The following SYNJ1 variants were observed in gnomAD, a reference collection of about 807,000 sequenced individuals.
SYNJ1 encodes the protein polyphosphatidylinositol phosphatase SYNJ1.
SYNJ1 carries 78 observed loss-of-function variants against 168.2 expected under a neutral mutation model. That is an observed-to-expected ratio of 0.46 (90% CI 0.39 to 0.56). The LOEUF is 0.56. Among genes scored for constraint, SYNJ1 ranks in the 20% least tolerant of loss-of-function variants. The pLI is 0.00. For missense variants in SYNJ1, 1,303 were observed against 1,597.6 expected (o/e 0.82, Z 3.14); for synonymous variants, 539 against 548.6 (o/e 0.98, Z 0.24).
chr21:32,692,600 C>A (rs538578767), intron 6 of SYNJ1, among the ~76,000 whole-genome samples: 1 of 152,050 alleles, frequency 6.6e-6, no homozygotes, highest in East Asian at 1.9e-4. Flanking sequence ...TAATTTTCCA[C>A]CTATCACCAC....
chr21:32,657,774 G>A lies in SYNJ1; in HGVS notation c.2403C>T (p.Thr801=), dbSNP rs755696516. The A allele has an allele frequency of 2.6e-5, 42 of 1,613,966 alleles. No individual in the cohort carries two copies. Among genetic ancestry groups the A allele is most frequent in the Non-Finnish European group, 3.0e-5 (35 of 1,180,000 alleles). Residue 801 remains threonine, a synonymous_variant, in exon 19 of 33, where the codon ACC becomes ACT. Coordinates refer to ENST00000674351, the MANE Select transcript of SYNJ1 (RefSeq NM_203446.3). ...DDYDTSEKCR[T]PAWTDRVLWR... ...AAAGGACACGGTCTGTCCAGGCAGG[G>A]GTGCGGCACTTTTCACTGGTGTCAT...
chr21:32,636,716 A>G (rs1162507735), intron 31 of SYNJ1, among the ~76,000 whole-genome samples: 1 of 152,058 alleles, frequency 6.6e-6, no homozygotes, highest in Non-Finnish European at 1.5e-5. Flanking sequence ...GGCCCCCAGC[A>G]TTGGGCATTC....
intron 4 of SYNJ1, among the ~76,000 whole-genome samples, chr21:32,696,689 A>T (rs1026335740): frequency 2.6e-5 from 4 of 152,128 alleles, no homozygotes; most frequent in African/African-American, 9.7e-5. Flanking sequence ...AAGATGTAAT[A>T]GCATTATCTT....
At chr21:32,633,134 G>A (rs1235622497) in intron 32 of SYNJ1, among the ~76,000 whole-genome samples, 1 of 152,154 alleles carries the variant, frequency 6.6e-6, no homozygotes, top group Non-Finnish European at 1.5e-5. Flanking sequence ...TGCAACCATT[G>A]CTTAAAACCA....
At chr21:32,725,944 A>C (rs2043432000) in intron 2 of SYNJ1, among the ~76,000 whole-genome samples, 1 of 152,146 alleles carries the variant, frequency 6.6e-6, no homozygotes. Flanking sequence ...AGACTCAATC[A>C]ATCCGCCCAC....
intron 32 of SYNJ1, among the ~76,000 whole-genome samples, chr21:32,632,675 C>G (rs944284412): frequency 2.0e-5 from 3 of 152,164 alleles, no homozygotes; most frequent in African/African-American, 7.2e-5. Flanking sequence ...CGTGAGCCAC[C>G]ATGCCCGGCA....
chr21:32,685,777 A>T lies in SYNJ1; in HGVS notation c.1089T>A (p.Phe363Leu). 6.2e-7 allele frequency: 1 copy of T among 1,608,456 alleles called. No individual in the cohort carries two copies. The highest frequency in any genetic ancestry group is 8.5e-7 in the Non-Finnish European group (1 of 1,178,180). ...PQVQKFLDYG[F>L]FYFNGSEVQR... ...GAACTTCACTTCCATTGAAATAAAA[A>T]AATCCATAATCTAGAAACTTCTGGA... The change falls in exon 9 of 33, where the codon TTT (phenylalanine) becomes TTA (leucine). Residue 363 changes from phenylalanine to leucine, a missense_variant. By Grantham distance (22) the Phe-to-Leu change is conservative (BLOSUM62 0). This residue lies in a region of SYNJ1 where 920 missense variants were observed against 1,208.8 expected (regional missense o/e 0.76). Coordinates refer to ENST00000674351, the MANE Select transcript of SYNJ1 (RefSeq NM_203446.3).
intron 2 of SYNJ1, among the ~76,000 whole-genome samples, chr21:32,705,744 G>C (rs1173249907): frequency 6.6e-6 from 1 of 152,064 alleles, no homozygotes; most frequent in Non-Finnish European, 1.5e-5. Flanking sequence ...CCAGCACTTC[G>C]GGAAGCTGAT....
chr21:32,700,981 G>C (rs867241031), intron 3 of SYNJ1, among the ~76,000 whole-genome samples: 1 of 152,262 alleles, frequency 6.6e-6, no homozygotes, highest in East Asian at 1.9e-4. Context: ...ATTGAGCAAT[G>C]GTATACTGTG....
chr21:32,646,576 C>G lies in SYNJ1; in HGVS notation c.3064G>C (p.Val1022Leu). The G allele has an allele frequency of 6.2e-7, 1 of 1,614,188 alleles. No individual in the cohort carries two copies. Among genetic ancestry groups the G allele is most frequent in the Non-Finnish European group, 8.5e-7 (1 of 1,180,022 alleles). The change falls in exon 24 of 33, where the codon GTG becomes CTG. Residue 1022 changes from valine to leucine, a missense_variant. By Grantham distance (32) the Val-to-Leu change is conservative. Transcript: ENST00000674351. ...AGATGCTGAGGAAGAAGTTCCTCCA[C>G]TTCAGCACTATAGTCATCAACATCA... ...EGDVDDYSAEVEELLPQHLQP... is the reference protein window; with the variant it reads ...EGDVDDYSAELEELLPQHLQP...
chr21:32,670,348 A>G lies in SYNJ1; in HGVS notation c.1751T>C (p.Ile584Thr), dbSNP rs1209915908. ...FQDKRSKPTD[I>T]FAIGFEEMVE... ...CATTTCTTCAAAACCAATTGCAAAT[A>G]TATCAGTTGGCTTACTTCTTTTATC... Residue 584 changes from isoleucine to threonine, a missense_variant, in exon 15 of 33, where the codon ATA (isoleucine) becomes ACA (threonine). Physicochemically the swap from Ile to Thr is moderately conservative, Grantham distance 89. Transcript: ENST00000674351. The G allele has an allele frequency of 1.2e-6, 2 of 1,613,328 alleles. No individual in the cohort carries two copies. Among genetic ancestry groups the G allele is most frequent in the Non-Finnish European group, 8.5e-7 (1 of 1,179,758 alleles).
chr21:32,680,158 T>C (rs2146035854), intron 11 of SYNJ1, among the ~76,000 whole-genome samples: 1 of 152,244 alleles, frequency 6.6e-6, no homozygotes, highest in East Asian at 1.9e-4. Context: ...AAGAAGTAAA[T>C]ATTTGTAAAA....
chr21:32,638,823 T>G, intron 31 of SYNJ1, 85 bp downstream of exon 31: 6 of 1,304,320 alleles, frequency 4.6e-6, no homozygotes, highest in East Asian at 2.3e-5. Context: ...TTACTTCTTA[T>G]AACAGGCAAT....
At chr21:32,679,993 T>C (rs1162953270) in intron 11 of SYNJ1, among the ~76,000 whole-genome samples, 1 of 152,048 alleles carries the variant, frequency 6.6e-6, no homozygotes, top group Non-Finnish European at 1.5e-5. Context: ...TCTGTACATA[T>C]ATTGTAGTCA....
chr21:32,672,474 G>C (rs898397825), intron 14 of SYNJ1, among the ~76,000 whole-genome samples: 1 of 151,674 alleles, frequency 6.6e-6, no homozygotes, highest in Non-Finnish European at 1.5e-5. Flanking sequence ...CGAGTAGCTG[G>C]GATTACAGGC....
chr21:32,690,727 G>C (rs368832913), intron 6 of SYNJ1, among the ~76,000 whole-genome samples: 1 of 152,066 alleles, frequency 6.6e-6, no homozygotes, highest in Non-Finnish European at 1.5e-5. Flanking sequence ...GTTTGAGACC[G>C]GCCTGACCAA....
At chr21:32,667,051 A>G (rs1314970469) in intron 15 of SYNJ1, among the ~76,000 whole-genome samples, 1 of 152,028 alleles carries the variant, frequency 6.6e-6, no homozygotes, top group Non-Finnish European at 1.5e-5. Context: ...CAATGTAATT[A>G]GTTGTTATAT....
At chr21:32,704,804 A>G (rs2042546014) in intron 2 of SYNJ1, among the ~76,000 whole-genome samples, 1 of 152,196 alleles carries the variant, frequency 6.6e-6, no homozygotes, top group Admixed American at 6.5e-5. Context: ...CTGTCAGAGA[A>G]GGTACTCACA....
At chr21:32,698,550 G>A (rs2042290494) in intron 4 of SYNJ1, among the ~76,000 whole-genome samples, 1 of 152,182 alleles carries the variant, frequency 6.6e-6, no homozygotes, top group African/African-American at 2.4e-5. Flanking sequence ...ATTTGCACAT[G>A]ATATCAAGAG....
Sources: gnomAD v4.1 joint callset for allele counts (sites outside exome capture counted in the v4.1 genomes callset) on GRCh38, gnomAD v4.1.1 for gene constraint, gnomAD v4.1.1 regional missense constraint, MANE v1.5 for transcripts, NCBI Gene and HGNC (gene_info 2026-07-23, HGNC 2026-07-21) for gene names.